Variants in SEMA4F observed in about 807,000 individuals in gnomAD.
SEMA4F encodes semaphorin-4F.
Under a neutral mutation model 78.4 loss-of-function variants are expected in SEMA4F, and 51 were observed. That is an observed-to-expected ratio of 0.65 (90% CI 0.52 to 0.82). The LOEUF is 0.82. SEMA4F is among the 40% of genes least tolerant of loss of function. The pLI is 0.00. For missense variants in SEMA4F, 938 were observed against 1,014.4 expected (o/e 0.92, Z 1.02); for synonymous variants, 418 against 408.7 (o/e 1.02, Z -0.27).
chr2:74,663,159 A>G (rs1463073649), intron 5 of SEMA4F, among the ~76,000 whole-genome samples: 4 of 152,278 alleles, frequency 2.6e-5, no homozygotes, highest in African/African-American at 9.6e-5. Context: ...TGGAAAAAGT[A>G]TAAAGAAGAA....
In SEMA4F at chr2:74,658,856, C is replaced by T. The variant is rs1684288713; in HGVS notation, c.456+905C>T. Among the ~76,000 whole-genome samples, 1 of 152,112 alleles carries T rather than the reference C, an allele frequency of 6.6e-6. No individual in the cohort carries two copies. Among genetic ancestry groups the T allele is most frequent in the South Asian group, 2.1e-4 (1 of 4,830 alleles). ...TAACTGCTCCCTTTTTTGACCTCATCCTTAACTGTAGATCTTGTCTTGACT... is the reference window on the plus strand; with the variant it reads ...TAACTGCTCCCTTTTTTGACCTCATTCTTAACTGTAGATCTTGTCTTGACT... On this transcript the variant is annotated intron_variant, in intron 4 of 13. Coordinates refer to ENST00000357877, the MANE Select transcript of SEMA4F (RefSeq NM_004263.5). The surrounding 1 kb of genome is among the most constrained non-coding windows in gnomAD (Gnocchi z 4.3).
chr2:74,687,994 A>G (rs1287691598), downstream of SEMA4F, among the ~76,000 whole-genome samples: 2 of 152,186 alleles, frequency 1.3e-5, no homozygotes, highest in African/African-American at 2.4e-5. Flanking sequence ...CTAAAATATA[A>G]TCATCTACTA....
chr2:74,679,151 T>C (rs1685439360), intron 12 of SEMA4F, 125 bp from the exon 13 acceptor site: 5 of 814,062 alleles, frequency 6.1e-6, no homozygotes, highest in Non-Finnish European at 8.4e-6. Context: ...GAAACTTGAC[T>C]GATAATTTCT....
Position 74,677,062 on chromosome 2 carries a change from C to T in SEMA4F, c.1643+1153C>T, listed in dbSNP as rs568935183. On this transcript the variant is annotated intron_variant, in intron 12 of 13. Coordinates refer to ENST00000357877, the MANE Select transcript of SEMA4F (RefSeq NM_004263.5). ...GATTACAGGTGCCCGCCACCATGCCCGGCTGATTTTTGTATTTTTGGTAGA... is the reference window on the plus strand; with the variant it reads ...GATTACAGGTGCCCGCCACCATGCCTGGCTGATTTTTGTATTTTTGGTAGA... Among the ~76,000 whole-genome samples the T allele has an allele frequency of 1.6e-4, 24 of 152,102 alleles. No homozygotes were observed. In the East Asian group the frequency reaches 2.3e-3, roughly 15 times the overall value.
At chr2:74,659,346 T>A (rs900198214) in intron 4 of SEMA4F, among the ~76,000 whole-genome samples, 1 of 152,214 alleles carries the variant, frequency 6.6e-6, no homozygotes, top group African/African-American at 2.4e-5. Context: ...TCCTAGGGCC[T>A]TTAATTCTTC....
At chr2:74,669,595 A>G (rs1467831674) in intron 5 of SEMA4F, among the ~76,000 whole-genome samples, 8 of 150,156 alleles carry the variant, frequency 5.3e-5, no homozygotes, top group Admixed American at 5.3e-4. Flanking sequence ...AAACAACAAC[A>G]ACAACAACAA....
the SEMA4F span, among the ~76,000 whole-genome samples, chr2:74,697,864 C>G: frequency 3.3e-5 from 5 of 152,118 alleles, no homozygotes; most frequent in Non-Finnish European, 7.4e-5. Context: ...ATCCCAGCCC[C>G]CAGTCTTCCC....
chr2:74,676,532 CT>C (rs913216108), intron 12 of SEMA4F, among the ~76,000 whole-genome samples: 11 of 152,192 alleles, frequency 7.2e-5, no homozygotes, highest in African/African-American at 2.7e-4. Flanking sequence ...GTTGTTTCCT[CT>C]TTCTCTCACA....
downstream of SEMA4F, among the ~76,000 whole-genome samples, chr2:74,685,421 T>C (rs571290878): frequency 2.0e-5 from 3 of 152,168 alleles, no homozygotes; most frequent in Admixed American, 2.0e-4. Context: ...ATGTTCTGCT[T>C]GCTGGAAATG....
intron 4 of SEMA4F, among the ~76,000 whole-genome samples, chr2:74,661,371 T>A (rs925422725): frequency 3.3e-5 from 5 of 152,238 alleles, no homozygotes; most frequent in Admixed American, 6.5e-5. Context: ...ATTAAGTCAG[T>A]GACCAATACT....
intron 5 of SEMA4F, 27 bp from the exon 6 acceptor site, chr2:74,673,430 G>A (rs1330455841): frequency 1.2e-6 from 2 of 1,612,802 alleles, no homozygotes; most frequent in South Asian, 1.1e-5. Flanking sequence ...GTCCCTGATA[G>A]CCCATCTCCT....
chr2:74,691,011 G>A, the SEMA4F span, among the ~76,000 whole-genome samples: 23 of 152,058 alleles, frequency 1.5e-4, no homozygotes, highest in Non-Finnish European at 2.2e-4. Flanking sequence ...TTAGATTTTC[G>A]TGGTCATCCA....
rs1685165697 is a variant in SEMA4F, at chr2:74,674,655, A to G, written c.980A>G (p.Tyr327Cys). Residue 327 changes from tyrosine (Y) to cysteine (C), a missense_variant, in exon 8 of 14, where the codon TAT (tyrosine) becomes TGT (cysteine). By Grantham distance (194) the Tyr-to-Cys change is radical. Coordinates refer to ENST00000357877, the MANE Select transcript of SEMA4F (RefSeq NM_004263.5). Reference sequence around the variant, plus strand: ...CTTGGGGCAGGGACTCCCATCTTTTATGGCATCTTTTCTTCCCAGTGGTGA... The same window carrying G: ...CTTGGGGCAGGGACTCCCATCTTTTGTGGCATCTTTTCTTCCCAGTGGTGA... ...PELGAGTPIF[Y>C]GIFSSQWEGA... 5 of 1,613,766 alleles carry G rather than the reference A, an allele frequency of 3.1e-6. No individual in the cohort carries two copies. The highest frequency in any genetic ancestry group is 2.7e-5 in the African/African-American group (2 of 74,820).
chr2:74,657,349 A>G (rs1175730264), intron 2 of SEMA4F, among the ~76,000 whole-genome samples: 1 of 152,204 alleles, frequency 6.6e-6, no homozygotes, highest in Non-Finnish European at 1.5e-5. Flanking sequence ...ACATTTTGAT[A>G]TATTCTATTT....
chr2:74,695,557 A>G, the SEMA4F span, among the ~76,000 whole-genome samples: 1 of 152,218 alleles, frequency 6.6e-6, no homozygotes, highest in Non-Finnish European at 1.5e-5. Flanking sequence ...TCAATGAATA[A>G]AACAACTGGA....
chr2:74,656,507 A>G (rs761732473), intron 1 of SEMA4F, 27 bp from the exon 2 acceptor site: 2 of 1,603,688 alleles, frequency 1.2e-6, no homozygotes, highest in Non-Finnish European at 1.7e-6. Context: ...AGCGATGGCT[A>G]ACATCACTCT....
At chr2:74,665,389 C>T (rs1026045339) in intron 5 of SEMA4F, among the ~76,000 whole-genome samples, 6 of 151,646 alleles carry the variant, frequency 4.0e-5, no homozygotes, top group African/African-American at 1.5e-4. Context: ...GTCACCATGC[C>T]CGGCTAATTT....
chr2:74,667,252 A>G (rs1483288826), intron 5 of SEMA4F, among the ~76,000 whole-genome samples: 2 of 152,252 alleles, frequency 1.3e-5, no homozygotes, highest in Non-Finnish European at 2.9e-5. Context: ...ATGCTGCAGC[A>G]GGAATCCTTT....
At chr2:74,675,419 T>G (rs749020388) in intron 10 of SEMA4F, 35 bp downstream of exon 10, 2 of 1,602,268 alleles carry the variant, frequency 1.2e-6, no homozygotes, top group South Asian at 1.1e-5. Flanking sequence ...GCCTACCTAG[T>G]GCATACACAT....
Sources: allele counts gnomAD v4.1 joint callset (sites outside exome capture counted in the v4.1 genomes callset), GRCh38; gene constraint gnomAD v4.1.1; non-coding constraint Gnocchi (gnomAD v3.1); transcripts MANE v1.5; gene names NCBI Gene and HGNC (gene_info 2026-07-23, HGNC 2026-07-21).